WNK1: variants seen among roughly 807,000 people sequenced by gnomAD.
WNK1 encodes the protein serine/threonine-protein kinase WNK1.
In WNK1, 38 loss-of-function variants were observed where a neutral mutation model predicts 222.8. The ratio of observed to expected loss-of-function variants is 0.17; its 90% CI spans 0.13 to 0.22. WNK1 has a LOEUF of 0.22. Ranked by LOEUF, WNK1 falls within the 10% of genes least tolerant of loss-of-function variation. The pLI is 1.00. For missense variants in WNK1, 2,348 were observed against 2,918.4 expected (o/e 0.80, Z 4.50); for synonymous variants, 1,090 against 1,092.9 (o/e 1.00, Z 0.05).
intron 20 of WNK1, 74 bp downstream of exon 20, chr12:887,378 G>A (rs1953766476): frequency 2.1e-5 from 31 of 1,476,448 alleles, no homozygotes; most frequent in South Asian, 4.5e-5. Flanking sequence ...TCTCCACTAC[G>A]TGGTCTTGGC....
intron 1 of WNK1, among the ~76,000 whole-genome samples, chr12:757,443 A>G (rs1726379680): frequency 6.7e-6 from 1 of 148,894 alleles, no homozygotes; most frequent in Admixed American, 6.9e-5. Flanking sequence ...CTCCTGCCTC[A>G]GCCTCCCAAG....
At chr12:855,289 A>G (rs972628003) in intron 4 of WNK1, among the ~76,000 whole-genome samples, 4 of 152,236 alleles carry the variant, frequency 2.6e-5, no homozygotes, top group African/African-American at 9.6e-5. Flanking sequence ...ATTCTCATAA[A>G]TGAAGCTTTT....
chr12:884,485 ATG>A lies in WNK1; in HGVS notation c.3845-160_3845-159del, dbSNP rs978623251. ...TAGTCTGTATAATAGATATTGTAGT[ATG>A]TGTTTATTTCTGCACTTAGTACTGT... On this transcript the variant is annotated intron_variant, in intron 18 of 27. Coordinates refer to ENST00000315939, the MANE Select transcript of WNK1 (RefSeq NM_018979.4). The surrounding 1 kb of genome is among the most constrained non-coding windows in gnomAD (Gnocchi z 5.6). Among the ~76,000 whole-genome samples the A allele has an allele frequency of 1.2e-4, 19 of 152,214 alleles. No individual in the cohort carries two copies. Among genetic ancestry groups the A allele is most frequent in the African/African-American group, 4.3e-4 (18 of 41,454 alleles).
chr12:801,890 C>G (rs1945915682), intron 1 of WNK1, among the ~76,000 whole-genome samples: 1 of 152,080 alleles, frequency 6.6e-6, no homozygotes, highest in African/African-American at 2.4e-5. Context: ...TGTGTATTTA[C>G]TTTGTTTTTT....
At chr12:806,972 C>T (rs1024006726) in intron 1 of WNK1, among the ~76,000 whole-genome samples, 2 of 152,132 alleles carry the variant, frequency 1.3e-5, no homozygotes, top group African/African-American at 4.8e-5. Context: ...TTTCCTGACT[C>T]TTCAAATCTT....
intron 1 of WNK1, 139 bp downstream of exon 1, chr12:754,463 G>A (rs576537877): frequency 4.9e-6 from 5 of 1,021,050 alleles, no homozygotes; most frequent in African/African-American, 4.7e-5. Context: ...TTTGAAAGGG[G>A]CTGAAATTAG....
intron 1 of WNK1, among the ~76,000 whole-genome samples, chr12:767,697 T>A (rs1485035309): frequency 6.6e-6 from 1 of 152,174 alleles, no homozygotes; most frequent in Non-Finnish European, 1.5e-5. Context: ...TTTCAGCCAG[T>A]TTATGTCATT....
intron 9 of WNK1, among the ~76,000 whole-genome samples, chr12:877,536 C>T (rs1016749573): frequency 1.3e-5 from 2 of 151,954 alleles, no homozygotes; most frequent in South Asian, 2.1e-4. Flanking sequence ...TACTTGAGTC[C>T]CTAGTACATA....
At chr12:773,727 A>G (rs1942800891) in intron 1 of WNK1, among the ~76,000 whole-genome samples, 1 of 152,166 alleles carries the variant, frequency 6.6e-6, no homozygotes, top group Admixed American at 6.5e-5. Flanking sequence ...TGTGAAACTT[A>G]TGTTTCAGTG....
intron 2 of WNK1, among the ~76,000 whole-genome samples, chr12:820,210 A>C (rs1449360200): frequency 1.3e-5 from 2 of 152,116 alleles, no homozygotes; most frequent in African/African-American, 4.8e-5. Context: ...GTGTCTGTCC[A>C]TTTATTTATG....
At position 885,502 on chromosome 12, in the gene WNK1, G is replaced by A. The variant is rs1021224230; in HGVS notation, c.4698G>A (p.Gly1566=). Residue 1566 remains glycine (G), a synonymous_variant, in exon 19 of 28, where the codon GGG becomes GGA. Coordinates refer to ENST00000315939, the MANE Select transcript of WNK1 (RefSeq NM_018979.4). ...CTAGTTATATTTCTCAGCCTGGTGG[G>A]CTGCATCCTTTGGTCATTCCATCAG... is the stretch of plus-strand genomic sequence containing the variant. ...GVSSYISQPG[G]LHPLVIPSVI... is the part of the protein sequence containing the mutation. 6.2e-7 allele frequency: 1 copy of A among 1,613,898 alleles called. No homozygotes were observed. The highest frequency in any genetic ancestry group is 1.3e-5 in the African/African-American group (1 of 74,892).
At chr12:893,695 C>T (rs921471043) in intron 22 of WNK1, among the ~76,000 whole-genome samples, 3 of 151,632 alleles carry the variant, frequency 2.0e-5, no homozygotes, top group African/African-American at 7.3e-5. Flanking sequence ...TGGTGGTGGG[C>T]GCCTGTGGTC....
At position 791,953 on chromosome 12, in the gene WNK1, A is replaced by G. The variant is rs143819864; in HGVS notation, c.760-21689A>G. Among the ~76,000 whole-genome samples, 7 of 152,262 alleles carry G rather than the reference A, an allele frequency of 4.6e-5. No individual in the cohort carries two copies. The East Asian group carries it at 1.4e-3, about 29-fold the overall frequency. The stretch of plus-strand genomic sequence containing the variant: ...AGCAGCTTTATTCTACCCAGGTCCT[A>G]TCAGAGGGTGCACAACAGATGAGGG... On this transcript the variant is annotated intron_variant, in intron 1 of 27. Coordinates refer to ENST00000315939, the MANE Select transcript of WNK1 (RefSeq NM_018979.4).
At chr12:841,549 G>T (rs1425158753) in intron 4 of WNK1, among the ~76,000 whole-genome samples, 1 of 152,026 alleles carries the variant, frequency 6.6e-6, no homozygotes, top group Non-Finnish European at 1.5e-5. Context: ...TTTTCTCAAT[G>T]TTAAACTGCT....
In WNK1 at chr12:844,674, C is replaced by G. The variant is rs536575991; in HGVS notation, c.1312-12487C>G. On this transcript the variant is annotated intron_variant, in intron 4 of 27. Transcript: ENST00000315939. ...ATACTTCTTGCCTAGGAAATACTGT[C>G]TAGATTTTACCAATCTCCATTCCCA... 2.2e-4 allele frequency among the ~76,000 whole-genome samples: 34 copies of G among 152,140 alleles called. No homozygotes were observed. The East Asian group carries it at 6.2e-3, about 28-fold the overall frequency.
At chr12:798,291 A>G (rs1490873648) in intron 1 of WNK1, among the ~76,000 whole-genome samples, 3 of 151,300 alleles carry the variant, frequency 2.0e-5, no homozygotes, top group Admixed American at 2.0e-4. Flanking sequence ...TCCCGGGTTC[A>G]CGCCATTCTC....
chr12:757,187 T>C (rs551434684), intron 1 of WNK1, among the ~76,000 whole-genome samples: 2 of 152,080 alleles, frequency 1.3e-5, no homozygotes, highest in South Asian at 2.1e-4. Flanking sequence ...TCACTTCAAA[T>C]TGAGATATAA....
chr12:811,778 G>A (rs564671107), intron 1 of WNK1, among the ~76,000 whole-genome samples: 1 of 151,938 alleles, frequency 6.6e-6, no homozygotes, highest in Admixed American at 6.6e-5. Flanking sequence ...CAAATTATTT[G>A]TTTAGGTTTC....
At chr12:809,169 T>C (rs978275612) in intron 1 of WNK1, among the ~76,000 whole-genome samples, 1 of 149,508 alleles carries the variant, frequency 6.7e-6, no homozygotes, top group Non-Finnish European at 1.5e-5. Context: ...AAGAAGGGGC[T>C]GATAGAGGAG....
Sources: gnomAD v4.1 joint callset for allele counts (sites outside exome capture counted in the v4.1 genomes callset) on GRCh38, gnomAD v4.1.1 for gene constraint, Gnocchi (gnomAD v3.1) non-coding constraint, MANE v1.5 for transcripts, NCBI Gene and HGNC (gene_info 2026-07-23, HGNC 2026-07-21) for gene names.